The following GPM6A variants were observed in gnomAD, a reference collection of about 807,000 sequenced individuals.
GPM6A encodes the protein glycoprotein M6A, also known as neuronal membrane glycoprotein M6-a.
GPM6A carries 7 observed loss-of-function variants against 32.1 expected under a neutral mutation model. The ratio of observed to expected loss-of-function variants is 0.22; its 90% CI spans 0.12 to 0.41. GPM6A has a LOEUF of 0.41. GPM6A is among the 10% of genes least tolerant of loss of function. GPM6A has a pLI of 1.00. For synonymous variants in GPM6A, 130 were observed against 123.4 expected, an observed-to-expected ratio of 1.05 and a Z score of -0.35; for missense variants, 235 against 347.2, an observed-to-expected ratio of 0.68 and a Z score of 2.57.
chr4:175,930,426 G>GGC (rs1738992313), intron 1 of GPM6A, among the ~76,000 whole-genome samples: 1 of 74,244 alleles, frequency 1.3e-5, no homozygotes, highest in Non-Finnish European at 3.5e-5. Context: ...TCTGTTTTTT[G>GGC]GGGGGGGGTT....
intron 1 of GPM6A, among the ~76,000 whole-genome samples, chr4:175,828,218 C>G (rs1735496503): frequency 6.6e-6 from 1 of 152,078 alleles, no homozygotes; most frequent in African/African-American, 2.4e-5. Context: ...AATTTTATCA[C>G]CAAGTAGAAT....
chr4:175,848,304 A>C (rs139098334), intron 1 of GPM6A, among the ~76,000 whole-genome samples: 1 of 152,206 alleles, frequency 6.6e-6, no homozygotes, highest in Non-Finnish European at 1.5e-5. Context: ...CTTTTCCAAC[A>C]TAACTATCTT....
intron 4 of GPM6A, among the ~76,000 whole-genome samples, chr4:175,645,716 G>A (rs544362925): frequency 9.9e-5 from 15 of 152,130 alleles, no homozygotes; most frequent in South Asian, 2.1e-4. Context: ...GCAAGACTCC[G>A]TCTCAAAAAA....
intron 1 of GPM6A, among the ~76,000 whole-genome samples, chr4:175,783,273 A>C (rs2111257546): frequency 6.6e-6 from 1 of 152,042 alleles, no homozygotes; most frequent in African/African-American, 2.4e-5. Flanking sequence ...TTTCCTATTA[A>C]GTCACATTAA....
chr4:175,733,086 G>A (rs1173918265), intron 1 of GPM6A, among the ~76,000 whole-genome samples: 1 of 152,106 alleles, frequency 6.6e-6, no homozygotes, highest in African/African-American at 2.4e-5. Flanking sequence ...TTTTAGCCCA[G>A]TAGTGAAATG....
intron 1 of GPM6A, among the ~76,000 whole-genome samples, chr4:175,723,508 G>A (rs1182336948): frequency 6.6e-6 from 1 of 152,108 alleles, no homozygotes; most frequent in Non-Finnish European, 1.5e-5. Context: ...TTCAACAGAT[G>A]CTATAATACT....
At chr4:175,879,998 T>C (rs1193845743) in intron 1 of GPM6A, among the ~76,000 whole-genome samples, 2 of 151,978 alleles carry the variant, frequency 1.3e-5, no homozygotes, top group Non-Finnish European at 2.9e-5. Context: ...TAGGTTTTCT[T>C]CTAGGGATTT....
intron 1 of GPM6A, among the ~76,000 whole-genome samples, chr4:175,893,760 C>T (rs1043466111): frequency 6.6e-6 from 1 of 152,006 alleles, no homozygotes; most frequent in Admixed American, 6.6e-5. Context: ...CCTAACCTTC[C>T]TAAGTAAAAA....
chr4:175,706,777 C>G (rs893784014), intron 1 of GPM6A, among the ~76,000 whole-genome samples: 1 of 152,082 alleles, frequency 6.6e-6, no homozygotes, highest in Non-Finnish European at 1.5e-5. Context: ...TTCTAAGTCA[C>G]AGGATGAGAG....
intron 4 of GPM6A, among the ~76,000 whole-genome samples, chr4:175,647,214 G>A (rs1268468777): frequency 1.3e-5 from 2 of 152,178 alleles, no homozygotes; most frequent in Admixed American, 1.3e-4. Flanking sequence ...CTCTGTGTTG[G>A]CTCTTAAGTT....
intron 1 of GPM6A, among the ~76,000 whole-genome samples, chr4:175,749,488 A>C (rs1732236593): frequency 6.6e-6 from 1 of 152,194 alleles, no homozygotes; most frequent in African/African-American, 2.4e-5. Context: ...ATAAAATAAG[A>C]TGAAGTCTGC....
chr4:176,002,350 A>G (rs770795150), upstream of GPM6A: 1 of 1,581,306 alleles, frequency 6.3e-7, no homozygotes, highest in South Asian at 1.2e-5. Flanking sequence ...CCCAGAGGAG[A>G]GCGAGTGACC....
At chr4:175,779,172 T>C (rs1020288761) in intron 1 of GPM6A, among the ~76,000 whole-genome samples, 6 of 152,180 alleles carry the variant, frequency 3.9e-5, no homozygotes, top group Non-Finnish European at 8.8e-5. Context: ...TCTTTATCTA[T>C]CCTGTGAGCA....
intron 1 of GPM6A, among the ~76,000 whole-genome samples, chr4:175,776,408 C>T (rs1733396659): frequency 6.6e-6 from 1 of 152,100 alleles, no homozygotes; most frequent in Non-Finnish European, 1.5e-5. Context: ...GGAACGGAAT[C>T]AGGAAGGAGG....
chr4:175,848,128 T>A (rs1352368717), intron 1 of GPM6A, among the ~76,000 whole-genome samples: 1 of 152,208 alleles, frequency 6.6e-6, no homozygotes, highest in African/African-American at 2.4e-5. Flanking sequence ...GTTCCCTTTC[T>A]TGACTAGTTG....
At chr4:175,756,625 C>T (rs938530541) in intron 1 of GPM6A, among the ~76,000 whole-genome samples, 3 of 151,860 alleles carry the variant, frequency 2.0e-5, no homozygotes, top group Non-Finnish European at 4.4e-5. Flanking sequence ...GTCACTGGGA[C>T]GTAAAAGCAG....
At chr4:175,725,258 C>T (rs1379239132) in intron 1 of GPM6A, among the ~76,000 whole-genome samples, 1 of 150,386 alleles carries the variant, frequency 6.6e-6, no homozygotes, top group Non-Finnish European at 1.5e-5. Flanking sequence ...AAGAATAGAG[C>T]TATATTGTCT....
intron 1 of GPM6A, among the ~76,000 whole-genome samples, chr4:175,788,561 C>T (rs542907509): frequency 6.6e-6 from 1 of 152,162 alleles, no homozygotes; most frequent in African/African-American, 2.4e-5. Flanking sequence ...AGACAAAACC[C>T]TTATCCCCAA....
At chr4:175,780,722 C>T (rs1217520959) in intron 1 of GPM6A, among the ~76,000 whole-genome samples, 1 of 152,082 alleles carries the variant, frequency 6.6e-6, no homozygotes, top group Non-Finnish European at 1.5e-5. Flanking sequence ...CTGAATAATA[C>T]CTAAAATATC....
Sources: allele counts gnomAD v4.1 joint callset (sites outside exome capture counted in the v4.1 genomes callset), GRCh38; gene constraint gnomAD v4.1.1; transcripts MANE v1.5; gene names NCBI Gene and HGNC (gene_info 2026-07-23, HGNC 2026-07-21).